DIAPH2: variants seen among roughly 807,000 people sequenced by gnomAD.
DIAPH2 encodes protein diaphanous homolog 2.
Under a neutral mutation model 92.7 loss-of-function variants are expected in DIAPH2, and 35 were observed. The observed-to-expected ratio is 0.38, with a 90% confidence interval of 0.29 to 0.50. The LOEUF (loss-of-function observed/expected upper bound fraction) is 0.50. Among genes scored for constraint, DIAPH2 ranks in the 20% least tolerant of loss-of-function variants. The probability of loss-of-function intolerance (pLI) is 0.94; values close to 1 mark genes in which losing one functional copy is unlikely to be tolerated. For missense variants in DIAPH2, 701 were observed against 819.5 expected (o/e 0.86, Z 1.77); for synonymous variants, 301 against 280.4 (o/e 1.07, Z -0.73).
At chrX:97,358,292 G>T (rs1428711988) in intron 24 of DIAPH2, among the ~76,000 whole-genome samples, 1 of 111,441 alleles carries the variant, frequency 9.0e-6, no homozygotes, top group African/African-American at 3.3e-5. Context: ...CCTCCCAAGG[G>T]ACATTTGGCA....
chrX:97,119,844 G>A (rs149005613), intron 21 of DIAPH2, among the ~76,000 whole-genome samples: 1,730 of 111,421 alleles, frequency 0.016, 12 homozygotes, highest in Non-Finnish European at 0.026. Flanking sequence ...GCAGTCACAG[G>A]CCTCACCCAG....
intron 1 of DIAPH2, among the ~76,000 whole-genome samples, chrX:96,732,268 C>T (rs182662781): frequency 5.4e-5 from 6 of 111,482 alleles, no homozygotes; most frequent in African/African-American, 1.3e-4. Context: ...GAAATGATTT[C>T]GTTTTGTTTG....
Position 96,936,995 on chromosome X carries a change from T to C in DIAPH2, c.1090-238T>C, listed in dbSNP as rs1331827002. 1.1e-4 allele frequency among the ~76,000 whole-genome samples: 12 copies of C among 111,918 alleles called. No homozygotes were observed. The Admixed American group carries it at 1.1e-3, about 11-fold the overall frequency. The stretch of plus-strand genomic sequence containing the variant: ...TCTGTTGTAGAACTGATCGTTAATT[T>C]TTTAATGTGAATAATCAAAATGTAG... On this transcript the variant is annotated intron_variant, in intron 10 of 26. Coordinates refer to ENST00000324765, the MANE Select transcript of DIAPH2 (RefSeq NM_006729.5).
chrX:97,158,589 C>G (rs775278135), intron 22 of DIAPH2, among the ~76,000 whole-genome samples: 1 of 111,977 alleles, frequency 8.9e-6, no homozygotes, highest in Non-Finnish European at 1.9e-5. Context: ...TTGGTTTCCT[C>G]TGATTTTTTA....
At chrX:97,083,678 C>A (rs376750148) in intron 19 of DIAPH2, among the ~76,000 whole-genome samples, 4 of 112,003 alleles carry the variant, frequency 3.6e-5, no homozygotes, top group African/African-American at 1.3e-4. Context: ...GGCTGAGAAC[C>A]ATTGTCTTAA....
chrX:97,133,769 C>T (rs2067153441), intron 21 of DIAPH2, among the ~76,000 whole-genome samples: 1 of 112,122 alleles, frequency 8.9e-6, no homozygotes, highest in African/African-American at 3.2e-5. Flanking sequence ...TCAGCATATG[C>T]CAGGGCCATG....
intron 22 of DIAPH2, among the ~76,000 whole-genome samples, chrX:97,166,401 GAAAT>G (rs759207989): frequency 2.7e-5 from 3 of 111,802 alleles, no homozygotes; most frequent in Non-Finnish European, 5.6e-5. Flanking sequence ...TAAAGATGGT[GAAAT>G]AAATGTTTTA....
intron 24 of DIAPH2, among the ~76,000 whole-genome samples, chrX:97,371,678 G>A (rs1330890098): frequency 9.0e-6 from 1 of 110,765 alleles, no homozygotes; most frequent in Non-Finnish European, 1.9e-5. Context: ...AAGTCTCTAA[G>A]GTGCTTTTGC....
intron 4 of DIAPH2, among the ~76,000 whole-genome samples, chrX:96,845,380 A>G (rs1373658543): frequency 8.9e-6 from 1 of 112,388 alleles, no homozygotes; most frequent in African/African-American, 3.2e-5. Context: ...ACTAGCCAAA[A>G]CCAAGACTAA....
chrX:97,209,903 A>G (rs1259875476), intron 22 of DIAPH2, among the ~76,000 whole-genome samples: 2 of 111,049 alleles, frequency 1.8e-5, no homozygotes, highest in Non-Finnish European at 3.8e-5. Flanking sequence ...AGCATTTAGT[A>G]TATTAATCTG....
At chrX:96,758,111 G>T (rs777512387) in intron 3 of DIAPH2, 43 bp from the exon 4 acceptor site, 13 of 1,081,010 alleles carry the variant, frequency 1.2e-5, no homozygotes, top group Non-Finnish European at 1.6e-5. Context: ...AAGCTCTTAA[G>T]TGGAAATTTA....
At chrX:96,967,329 A>T (rs752979981) in intron 17 of DIAPH2, among the ~76,000 whole-genome samples, 1 of 111,988 alleles carries the variant, frequency 8.9e-6, no homozygotes, top group East Asian at 2.8e-4. Context: ...TGCTTAGGAT[A>T]ATGGCCTCCA....
intron 23 of DIAPH2, among the ~76,000 whole-genome samples, chrX:97,273,682 T>A: frequency 8.9e-6 from 1 of 111,951 alleles, no homozygotes; most frequent in Non-Finnish European, 1.9e-5. Flanking sequence ...TATTTTTCAG[T>A]AAGTTTCAGT....
intron 26 of DIAPH2, chrX:97,442,593 T>C (rs2147787736): frequency 8.9e-6 from 1 of 112,622 alleles, no homozygotes; most frequent in African/African-American, 3.2e-5. Flanking sequence ...TTTTCCTAAA[T>C]AGGGATAAGA....
At chrX:97,597,919 T>G (rs1364848952) in intron 26 of DIAPH2, among the ~76,000 whole-genome samples, 1 of 111,527 alleles carries the variant, frequency 9.0e-6, no homozygotes, top group African/African-American at 3.3e-5. Flanking sequence ...TATTGCATCA[T>G]GAAGCACTCA....
At chrX:96,743,977 A>C (rs186505170) in intron 3 of DIAPH2, among the ~76,000 whole-genome samples, 28 of 111,173 alleles carry the variant, frequency 2.5e-4, no homozygotes, top group African/African-American at 8.8e-4. Flanking sequence ...CAATTAAAAA[A>C]ACTTATTTAT....
chrX:97,515,650 A>C (rs1306704185), intron 26 of DIAPH2, among the ~76,000 whole-genome samples: 1 of 111,405 alleles, frequency 9.0e-6, no homozygotes, highest in Non-Finnish European at 1.9e-5. Flanking sequence ...GGGACTTAAC[A>C]AGGCCTGTGT....
Position 97,545,533 on chromosome X carries a change from A to AT in DIAPH2, c.3242-53720_3242-53719insT, listed in dbSNP as rs1556217617. Among the ~76,000 whole-genome samples the AT allele has an allele frequency of 4.0e-3, 317 of 79,296 alleles. 1 individual carries two copies. Among genetic ancestry groups the AT allele is most frequent in the African/African-American group, 0.015 (296 of 20,139 alleles). 68.9% of individuals were successfully genotyped at this position (79,296 alleles called of 115,157 possible). A position where few individuals can be genotyped will look rare whatever the true frequency, so the allele number is the denominator to read the frequency against. Reference sequence around the variant, plus strand: ...TTTTTAAGTTTGATGAAAAAAAAAAAATATATATATATATATATATATATA... The same window carrying AT: ...TTTTTAAGTTTGATGAAAAAAAAAAATATATATATATATATATATATATATA... On this transcript the variant is annotated intron_variant, in intron 26 of 26. Transcript: ENST00000324765.
intron 26 of DIAPH2, among the ~76,000 whole-genome samples, chrX:97,432,548 A>G (rs1212449533): frequency 9.0e-6 from 1 of 110,841 alleles, no homozygotes; most frequent in South Asian, 3.8e-4. Context: ...GTACAGTGGC[A>G]TGATCTTGGC....
Sources: gnomAD v4.1 joint callset for allele counts (sites outside exome capture counted in the v4.1 genomes callset) on GRCh38, gnomAD v4.1.1 for gene constraint, MANE v1.5 for transcripts, NCBI Gene and HGNC (gene_info 2026-07-23, HGNC 2026-07-21) for gene names.